The following PTPRG variants were observed in gnomAD, a reference collection of about 807,000 sequenced individuals.
The protein encoded by PTPRG is protein tyrosine phosphatase receptor type G, also known as receptor-type tyrosine-protein phosphatase gamma.
A neutral mutation model predicts 165.3 loss-of-function variants in PTPRG; 102 were observed. That is an observed-to-expected ratio of 0.62 (90% CI 0.53 to 0.73). The LOEUF is 0.73. Ranked by LOEUF, PTPRG falls within the 30% of genes least tolerant of loss-of-function variation. PTPRG has a pLI of 0.00. For missense variants in PTPRG, 1,866 were observed against 1,861.4 expected (o/e 1.00, Z -0.05); for synonymous variants, 675 against 669.5 (o/e 1.01, Z -0.13).
chr3:61,627,954 C>G (rs921245648), intron 1 of PTPRG, among the ~76,000 whole-genome samples: 10 of 152,156 alleles, frequency 6.6e-5, no homozygotes, highest in African/African-American at 1.4e-4. Context: ...GTCAAACATT[C>G]CTGAGTGAAG....
intron 2 of PTPRG, among the ~76,000 whole-genome samples, chr3:61,793,550 G>A (rs2034955468): frequency 6.6e-6 from 1 of 151,990 alleles, no homozygotes; most frequent in South Asian, 2.1e-4. Context: ...AATTATTTGA[G>A]TCAATTCCTT....
At chr3:61,727,947 T>G (rs1240083983) in intron 1 of PTPRG, among the ~76,000 whole-genome samples, 1 of 152,256 alleles carries the variant, frequency 6.6e-6, no homozygotes, top group Non-Finnish European at 1.5e-5. Flanking sequence ...TCTACCTGTT[T>G]GTGAGGCAAA....
intron 2 of PTPRG, among the ~76,000 whole-genome samples, chr3:61,874,728 C>T (rs983812308): frequency 6.6e-6 from 1 of 152,092 alleles, no homozygotes; most frequent in East Asian, 1.9e-4. Context: ...ACGCCATAAA[C>T]ATAAAGCACA....
At chr3:61,625,545 G>A (rs1701585002) in intron 1 of PTPRG, among the ~76,000 whole-genome samples, 1 of 152,068 alleles carries the variant, frequency 6.6e-6, no homozygotes, top group Non-Finnish European at 1.5e-5. Flanking sequence ...TATTCACTTG[G>A]GTGTGTTTCA....
intron 4 of PTPRG, among the ~76,000 whole-genome samples, chr3:62,046,684 A>G (rs937909136): frequency 6.6e-6 from 1 of 152,136 alleles, no homozygotes; most frequent in Non-Finnish European, 1.5e-5. Flanking sequence ...ATCAGACTTT[A>G]AGAATTCATG....
chr3:61,582,643 G>A (rs528468384), intron 1 of PTPRG, among the ~76,000 whole-genome samples: 10 of 152,108 alleles, frequency 6.6e-5, no homozygotes, highest in Non-Finnish European at 1.5e-4. Context: ...CTCACTCTTG[G>A]GTCCAGCTGT....
chr3:61,801,491 GAGGGGGGAAGAA>G (rs1294783594), intron 2 of PTPRG, among the ~76,000 whole-genome samples: 1 of 151,950 alleles, frequency 6.6e-6, no homozygotes, highest in East Asian at 1.9e-4. Flanking sequence ...AAGAGGGGTG[GAGGGGGGAAGAA>G]AGGGGAGGAG....
At chr3:61,677,291 T>A (rs1488822490) in intron 1 of PTPRG, among the ~76,000 whole-genome samples, 1 of 151,968 alleles carries the variant, frequency 6.6e-6, no homozygotes, top group Non-Finnish European at 1.5e-5. Context: ...TTATGTATGT[T>A]TAGTGTGGGA....
intron 5 of PTPRG, among the ~76,000 whole-genome samples, chr3:62,115,279 A>G (rs912940867): frequency 3.3e-5 from 5 of 152,104 alleles, no homozygotes; most frequent in African/African-American, 1.2e-4. Flanking sequence ...TTATCTTCTC[A>G]ACATTAATGC....
At chr3:61,813,393 T>G (rs190910981) in intron 2 of PTPRG, among the ~76,000 whole-genome samples, 16 of 146,534 alleles carry the variant, frequency 1.1e-4, no homozygotes, top group African/African-American at 4.1e-4. Context: ...CATGCACCTG[T>G]AATCCCAGCT....
At chr3:61,585,564 G>A (rs1465529539) in intron 1 of PTPRG, among the ~76,000 whole-genome samples, 1 of 151,952 alleles carries the variant, frequency 6.6e-6, no homozygotes, top group Non-Finnish European at 1.5e-5. Flanking sequence ...GGGCAACATG[G>A]CAAAACCCTG....
chr3:61,578,848 T>C (rs923877567), intron 1 of PTPRG, among the ~76,000 whole-genome samples: 5 of 152,208 alleles, frequency 3.3e-5, no homozygotes, highest in African/African-American at 1.2e-4. Flanking sequence ...CCGATGGAAA[T>C]ACTTCCTTCC....
intron 1 of PTPRG, among the ~76,000 whole-genome samples, chr3:61,667,764 C>G (rs1702849834): frequency 6.7e-6 from 1 of 149,708 alleles, no homozygotes; most frequent in Non-Finnish European, 1.5e-5. Flanking sequence ...CATAGTGAGA[C>G]TTTGTCTCTT....
chr3:61,746,899 T>A (rs2033227758), intron 1 of PTPRG, among the ~76,000 whole-genome samples: 1 of 152,128 alleles, frequency 6.6e-6, no homozygotes, highest in Non-Finnish European at 1.5e-5. Flanking sequence ...ACACCTGCCA[T>A]CCCAACACTT....
intron 15 of PTPRG, among the ~76,000 whole-genome samples, chr3:62,249,630 C>T (rs532945569): frequency 6.6e-6 from 1 of 152,146 alleles, no homozygotes; most frequent in African/African-American, 2.4e-5. Flanking sequence ...CCAGAGTAAG[C>T]AAGAAGGGAT....
intron 1 of PTPRG, among the ~76,000 whole-genome samples, chr3:61,671,878 G>C (rs1437541369): frequency 6.7e-6 from 1 of 148,178 alleles, no homozygotes; most frequent in Non-Finnish European, 1.5e-5. Flanking sequence ...CGGACTGGGC[G>C]GCTGGATGGG....
rs183724118 is a variant in PTPRG, at chr3:61,700,637, T to G, written c.86-48241T>G. 4.9e-4 allele frequency among the ~76,000 whole-genome samples: 74 copies of G among 152,366 alleles called. 2 individuals carry two copies. Among genetic ancestry groups the G allele is most frequent in the Admixed American group, 4.8e-3 (74 of 15,304 alleles). ...TGGAAGATGGTGAAGTGAACTTGAC[T>G]GTTTTGGGAGGCTCAACTCCAGGGC... On this transcript the variant is annotated intron_variant, in intron 1 of 29. Coordinates refer to ENST00000474889, the MANE Select transcript of PTPRG (RefSeq NM_002841.4).
intron 2 of PTPRG, among the ~76,000 whole-genome samples, chr3:61,826,058 A>G (rs1386079215): frequency 6.6e-6 from 1 of 152,228 alleles, no homozygotes; most frequent in Non-Finnish European, 1.5e-5. Context: ...AAACTGCTCA[A>G]ATATCCTTAA....
chr3:61,680,389 T>G lies in PTPRG; in HGVS notation c.86-68489T>G, dbSNP rs1343342834. On this transcript the variant is annotated intron_variant, in intron 1 of 29. Coordinates refer to ENST00000474889, the MANE Select transcript of PTPRG (RefSeq NM_002841.4). ...CCAGCATCGGCCTGCATGAATGTGC[T>G]CCTACTCTTGCCCAGGCTGAGTATC... Among the ~76,000 whole-genome samples the G allele has an allele frequency of 1.1e-4, 16 of 151,622 alleles. No homozygotes were observed. In the Admixed American group the frequency reaches 1.1e-3, roughly 10 times the overall value.
Sources: gnomAD v4.1 joint callset for allele counts (sites outside exome capture counted in the v4.1 genomes callset) on GRCh38, gnomAD v4.1.1 for gene constraint, MANE v1.5 for transcripts, NCBI Gene and HGNC (gene_info 2026-07-23, HGNC 2026-07-21) for gene names.